Variants in PRKN observed in about 807,000 individuals in gnomAD.
PRKN encodes E3 ubiquitin-protein ligase parkin.
A neutral mutation model predicts 59.5 loss-of-function variants in PRKN; 56 were observed. The ratio of observed to expected loss-of-function variants is 0.94; its 90% CI spans 0.76 to 1.18. The LOEUF (loss-of-function observed/expected upper bound fraction) is 1.18, where lower values mean the gene tolerates loss of function less well. Among genes scored for constraint, PRKN ranks in the 50% most tolerant of loss-of-function variants. The pLI is 0.00. For synonymous variants in PRKN, 250 were observed against 222.1 expected (o/e 1.13, Z -1.12); for missense variants, 657 against 596.4 (o/e 1.10, Z -1.06).
rs749630241 is a variant in PRKN at position 161,596,315 on chromosome 6, C to A, written c.872-26899G>T. On this transcript the variant is annotated intron_variant, in intron 7 of 11. Transcript: ENST00000366898. The stretch of plus-strand genomic sequence containing the variant: ...TATGGTTGGAGGTTAAAAAAAAACA[C>A]TTTTCTGGAAATAAAAGTTATTCAC... 2.0e-5 allele frequency among the ~76,000 whole-genome samples: 3 copies of A among 152,050 alleles called. No individual in the cohort carries two copies. The East Asian group carries it at 5.8e-4, about 29-fold the overall frequency.
intron 4 of PRKN, among the ~76,000 whole-genome samples, chr6:162,161,277 T>C (rs1782745413): frequency 6.6e-6 from 1 of 152,150 alleles, no homozygotes; most frequent in African/African-American, 2.4e-5. Flanking sequence ...AAGAGGACAC[T>C]GGAGCAGGAG....
intron 1 of PRKN, among the ~76,000 whole-genome samples, chr6:162,520,067 T>G (rs1287232650): frequency 2.0e-5 from 3 of 152,082 alleles, no homozygotes; most frequent in African/African-American, 7.2e-5. Context: ...CTGGACAACA[T>G]AGTGAGACCC....
intron 2 of PRKN, among the ~76,000 whole-genome samples, chr6:162,431,826 T>C (rs1789544094): frequency 6.6e-6 from 1 of 152,202 alleles, no homozygotes; most frequent in Non-Finnish European, 1.5e-5. Flanking sequence ...TATTATATTT[T>C]TCAAATTCGT....
intron 4 of PRKN, among the ~76,000 whole-genome samples, chr6:162,097,966 A>G (rs1186149464): frequency 6.6e-6 from 1 of 152,178 alleles, no homozygotes; most frequent in East Asian, 1.9e-4. Context: ...AGCGTTGACC[A>G]TGGTCTCAGC....
chr6:161,934,860 GT>G (rs893881654), intron 6 of PRKN, among the ~76,000 whole-genome samples: 4 of 151,978 alleles, frequency 2.6e-5, no homozygotes, highest in South Asian at 2.1e-4. Flanking sequence ...GTTTCAGGAT[GT>G]TTTTTTCTCC....
intron 11 of PRKN, among the ~76,000 whole-genome samples, chr6:161,351,855 A>C: frequency 6.6e-6 from 1 of 152,202 alleles, no homozygotes; most frequent in East Asian, 1.9e-4. Flanking sequence ...GTGTGATTCC[A>C]ATGTCCTGTC....
intron 6 of PRKN, among the ~76,000 whole-genome samples, chr6:161,801,697 CA>C (rs997454001): frequency 2.2e-4 from 33 of 152,240 alleles, no homozygotes; most frequent in African/African-American, 7.7e-4. Context: ...TTCCATCTCA[CA>C]CCTCACTGGA....
chr6:162,406,341 G>A (rs974027981), intron 2 of PRKN, among the ~76,000 whole-genome samples: 2 of 152,154 alleles, frequency 1.3e-5, no homozygotes, highest in Admixed American at 6.5e-5. Flanking sequence ...TAGAACCACT[G>A]TGCATACTGC....
At chr6:162,156,159 C>G (rs1387037057) in intron 4 of PRKN, among the ~76,000 whole-genome samples, 1 of 152,142 alleles carries the variant, frequency 6.6e-6, no homozygotes, top group Non-Finnish European at 1.5e-5. Flanking sequence ...ACAACTAACA[C>G]AGCAATATTG....
At chr6:161,750,098 C>CATATATATATATATAT (rs72125109) in intron 7 of PRKN, among the ~76,000 whole-genome samples, 13 of 145,186 alleles carry the variant, frequency 9.0e-5, no homozygotes, top group African/African-American at 2.6e-4. Context: ...ACACATAGGA[C>CATATATATATATATAT]ATATATATAT....
chr6:162,040,943 G>C (rs562725784), intron 5 of PRKN, among the ~76,000 whole-genome samples: 1 of 151,342 alleles, frequency 6.6e-6, no homozygotes, highest in Non-Finnish European at 1.5e-5. Flanking sequence ...ATGGAACGTT[G>C]GGAAGCCGAG....
chr6:161,818,713 A>G (rs2128215541), intron 6 of PRKN, among the ~76,000 whole-genome samples: 1 of 152,262 alleles, frequency 6.6e-6, no homozygotes, highest in East Asian at 1.9e-4. Flanking sequence ...AGAAGGCAGT[A>G]AGACAGTAGC....
Position 161,363,882 on chromosome 6 carries a change from G to A in PRKN, c.1168-3677C>T, listed in dbSNP as rs777986843. Reference sequence around the variant, plus strand: ...CATTAAAGAAACATGATTTGGGGCCGGATGTGGTGGTTCACGCCTGTAATC... The same window carrying A: ...CATTAAAGAAACATGATTTGGGGCCAGATGTGGTGGTTCACGCCTGTAATC... On this transcript the variant is annotated intron_variant, in intron 10 of 11. Transcript: ENST00000366898. The surrounding 1 kb of genome is among the most constrained non-coding windows in gnomAD (Gnocchi z 4.1). Among the ~76,000 whole-genome samples the A allele has an allele frequency of 1.4e-4, 21 of 152,138 alleles. No homozygotes were observed. The highest frequency in any genetic ancestry group is 2.7e-4 in the African/African-American group (11 of 41,426).
intron 3 of PRKN, 21 bp from the exon 4 acceptor site, chr6:162,201,273 G>A (rs574023342): frequency 3.1e-6 from 5 of 1,612,494 alleles, no homozygotes; most frequent in East Asian, 2.2e-5. Context: ...AAAAGCAGAA[G>A]AAGTGGCTAA....
rs1183764188 is a variant in PRKN, at chr6:162,355,075, G to T, written c.171+88235C>A. ...GAGATTAGAAATACAAAGCCTATAAGACAGTCTACAGGTTTGAATTTCTCT... is the reference window on the plus strand; with the variant it reads ...GAGATTAGAAATACAAAGCCTATAATACAGTCTACAGGTTTGAATTTCTCT... On this transcript the variant is annotated intron_variant, in intron 2 of 11. Transcript: ENST00000366898. Among the ~76,000 whole-genome samples the T allele has an allele frequency of 2.6e-5, 4 of 151,774 alleles. No individual in the cohort carries two copies. In the South Asian group the frequency reaches 8.3e-4, roughly 31 times the overall value.
intron 2 of PRKN, among the ~76,000 whole-genome samples, chr6:162,430,634 G>A (rs543383689): frequency 3.3e-5 from 5 of 152,168 alleles, no homozygotes; most frequent in African/African-American, 1.2e-4. Context: ...TAAATGGACT[G>A]TATGGCTCTC....
At chr6:162,598,101 T>C (rs992791967) in intron 1 of PRKN, among the ~76,000 whole-genome samples, 4 of 152,204 alleles carry the variant, frequency 2.6e-5, no homozygotes, top group African/African-American at 4.8e-5. Flanking sequence ...AAAATCACCA[T>C]CTGTGTTGCC....
chr6:161,862,807 G>A (rs143002449), intron 6 of PRKN, among the ~76,000 whole-genome samples: 2 of 152,110 alleles, frequency 1.3e-5, no homozygotes, highest in South Asian at 2.1e-4. Flanking sequence ...CAGAAGCAAC[G>A]AAGACCCGTC....
intron 1 of PRKN, among the ~76,000 whole-genome samples, chr6:162,586,714 T>C (rs35575481): frequency 6.6e-6 from 1 of 152,162 alleles, no homozygotes; most frequent in Non-Finnish European, 1.5e-5. Flanking sequence ...AATGGATGAC[T>C]TTTTCCCTTG....
Sources: gnomAD v4.1 joint callset for allele counts (sites outside exome capture counted in the v4.1 genomes callset) on GRCh38, gnomAD v4.1.1 for gene constraint, Gnocchi (gnomAD v3.1) non-coding constraint, MANE v1.5 for transcripts, NCBI Gene and HGNC (gene_info 2026-07-23, HGNC 2026-07-21) for gene names.